Variants in PIGG observed in about 807,000 individuals in gnomAD.
The protein encoded by PIGG is GPI ethanolamine phosphate transferase 2, catalytic subunit.
In PIGG, 70 loss-of-function variants were observed where a neutral mutation model predicts 83.2. That is an observed-to-expected ratio of 0.84 (90% CI 0.69 to 1.03). PIGG has a LOEUF of 1.03. PIGG is among the 50% of genes least tolerant of loss of function. PIGG has a pLI of 0.00. For missense variants in PIGG, 1,257 were observed against 1,233.6 expected, an observed-to-expected ratio of 1.02 and a Z score of -0.28; for synonymous variants, 532 against 519.5, an observed-to-expected ratio of 1.02 and a Z score of -0.33.
At chr4:508,749 A>C in intron 4 of PIGG, 80 bp from the exon 5 acceptor site, 1 of 1,374,682 alleles carries the variant, frequency 7.3e-7, no homozygotes, top group Non-Finnish European at 1.0e-6. Context: ...AAGTAAAGCT[A>C]AAACCGAAAA....
chr4:504,569 C>G (rs534593945), intron 2 of PIGG, among the ~76,000 whole-genome samples: 31 of 152,196 alleles, frequency 2.0e-4, no homozygotes, highest in Non-Finnish European at 4.3e-4. Flanking sequence ...GAGATTTTGC[C>G]GAGCTCCTCC....
rs1352191995 is a variant in PIGG at position 521,702 on chromosome 4, A to G, written c.1375A>G (p.Arg459Gly). Residue 459 changes from arginine (R) to glycine (G), a missense_variant, in exon 8 of 13, where the codon AGA becomes GGA. Transcript: ENST00000453061. ...LLLSVPQALR[R>G]KAELEVPLSS... is the part of the protein sequence containing the mutation. ...GCTCAGCGTCCCACAGGCACTGCGCAGAAAGGCTGAGCTGGAAGTCCCACT... is the reference window on the plus strand; with the variant it reads ...GCTCAGCGTCCCACAGGCACTGCGCGGAAAGGCTGAGCTGGAAGTCCCACT... 9 of 1,614,206 alleles carry G rather than the reference A, an allele frequency of 5.6e-6. No homozygotes were observed. Among genetic ancestry groups the G allele is most frequent in the East Asian group, 2.2e-5 (1 of 44,882 alleles).
Position 499,285 on chromosome 4 carries a change from G to C in PIGG, c.-51G>C, listed in dbSNP as rs1716604306. ...TGGAGCCGGAAGCGCGGCTGCAGCAGGGCGAGGCTCCAGGTGGGGTCGGTT... is the reference window on the plus strand; with the variant it reads ...TGGAGCCGGAAGCGCGGCTGCAGCACGGCGAGGCTCCAGGTGGGGTCGGTT... On this transcript the variant is annotated 5_prime_UTR_variant, in exon 1 of 13. Transcript: ENST00000453061. 1.3e-6 allele frequency: 2 copies of C among 1,584,262 alleles called. No homozygotes were observed. The highest frequency in any genetic ancestry group is 8.5e-7 in the Non-Finnish European group (1 of 1,170,540).
In PIGG at chr4:507,462, A is replaced by G. The variant is rs185393063; in HGVS notation, c.628A>G (p.Ile210Val). 1.2e-6 allele frequency: 2 copies of G among 1,614,000 alleles called. No homozygotes were observed. The highest frequency in any genetic ancestry group is 1.3e-5 in the African/African-American group (1 of 75,060). Residue 210 changes from isoleucine (I) to valine (V), a missense_variant, in exon 4 of 13, where the codon ATA (isoleucine) becomes GTA (valine). Physicochemically the swap from Ile to Val is conservative, Grantham distance 29. Coordinates refer to ENST00000453061, the MANE Select transcript of PIGG (RefSeq NM_001127178.3). The part of the protein sequence containing the change: ...DKVLKRGDWD[I>V]LILHYLGLDH... ...AGTATTAAAAAGAGGAGATTGGGAC[A>G]TATTAATCCTCCACTACCTGGGGCT...
Position 507,577 on chromosome 4 carries a change from C to T in PIGG, c.743C>T (p.Thr248Ile). ...GACAGCGTGCTGATGAAGATCCACACCTCACTGCAGTCGAAGGTGAGGCTC... is the reference window on the plus strand; with the variant it reads ...GACAGCGTGCTGATGAAGATCCACATCTCACTGCAGTCGAAGGTGAGGCTC... ...EMDSVLMKIH[T>I]SLQSKERETP... The change falls in exon 4 of 13, where the codon ACC (threonine) becomes ATC (isoleucine). Residue 248 changes from threonine (T) to isoleucine (I), a missense_variant. Transcript: ENST00000453061. 2 of 1,612,764 alleles carry T rather than the reference C, an allele frequency of 1.2e-6. No homozygotes were observed. The highest frequency in any genetic ancestry group is 1.1e-5 in the South Asian group (1 of 90,938).
intron 2 of PIGG, 89 bp downstream of exon 2, chr4:500,690 A>AT (rs1717358015): frequency 1.2e-6 from 1 of 840,940 alleles, no homozygotes; most frequent in Non-Finnish European, 2.0e-6. Flanking sequence ...TGGAGTTGCA[A>AT]TTTTAAGAAA....
chr4:508,736 A>AT, intron 4 of PIGG, 93 bp from the exon 5 acceptor site: 1 of 1,137,556 alleles, frequency 8.8e-7, no homozygotes, highest in African/African-American at 1.6e-5. Flanking sequence ...CTACAACTCT[A>AT]TAAAGTAAAG....
Position 508,888 on chromosome 4 carries a change from A to G in PIGG, c.819A>G (p.Glu273=). 1.9e-6 allele frequency: 3 copies of G among 1,613,868 alleles called. No individual in the cohort carries two copies. Among genetic ancestry groups the G allele is most frequent in the Non-Finnish European group, 2.5e-6 (3 of 1,179,732 alleles). The stretch of plus-strand genomic sequence containing the variant: ...TTTGTGGTGACCATGGCATGTCTGA[A>G]ACAGGAAGTCACGGGGCCTCCTCCA... ...LVLCGDHGMS[E]TGSHGASSTE... is the part of the protein sequence containing the mutation. Residue 273 remains glutamate (E), a synonymous_variant, in exon 5 of 13, where the codon GAA becomes GAG. Transcript: ENST00000453061.
chr4:516,913 C>A (rs1428134368), intron 6 of PIGG, among the ~76,000 whole-genome samples: 2 of 137,602 alleles, frequency 1.5e-5, no homozygotes, highest in Non-Finnish European at 3.1e-5. Context: ...GGAAGTGAAG[C>A]GGGTGGGGGA....
chr4:507,882 TCTCTGTTCTGTGCCA>T (rs1272167116), intron 4 of PIGG, among the ~76,000 whole-genome samples: 3 of 152,342 alleles, frequency 2.0e-5, no homozygotes, highest in East Asian at 1.9e-4. Context: ...TGTATCACTC[TCTCTGTTCTGTGCCA>T]CTCTGTTCTG....
At chr4:529,383 C>T (rs1728483217) in intron 10 of PIGG, among the ~76,000 whole-genome samples, 1 of 152,210 alleles carries the variant, frequency 6.6e-6, no homozygotes, top group African/African-American at 2.4e-5. Context: ...ATGTGGGCCC[C>T]TCCTGGCAGC....
intron 4 of PIGG, among the ~76,000 whole-genome samples, chr4:508,057 C>T (rs1443319887): frequency 5.3e-5 from 8 of 152,212 alleles, no homozygotes; most frequent in Admixed American, 1.3e-4. Context: ...TTCTATGTCA[C>T]TTTTTGTCCA....
At chr4:527,431 C>T (rs758552045) in intron 10 of PIGG, 140 of 1,322,266 alleles carry the variant, frequency 1.1e-4, no homozygotes, top group Non-Finnish European at 1.3e-4. Context: ...CAACCAGCTG[C>T]GTTGTTAGCA....
At chr4:511,275 A>G (rs1281871156) in intron 5 of PIGG, among the ~76,000 whole-genome samples, 1 of 149,148 alleles carries the variant, frequency 6.7e-6, no homozygotes, top group Non-Finnish European at 1.5e-5. Context: ...CCTGGGCAAC[A>G]GGAGTGAAAC....
intron 1 of PIGG, chr4:499,885 G>T: frequency 3.5e-6 from 1 of 284,372 alleles, no homozygotes. Context: ...CTCGCGTTTT[G>T]GTCTCTTATA....
chr4:521,916 T>A lies in PIGG; in HGVS notation c.1589T>A (p.Leu530His). ...CVIVSVLTNV[L>H]VGGNTPRKNP... ...ATTGTGTCTGTTCTGACCAACGTGC[T>A]CGTGGGTGGAAACACCCCAAGGAAG... The change falls in exon 8 of 13, where the codon CTC becomes CAC. Residue 530 changes from leucine (L) to histidine (H), a missense_variant. Physicochemically the swap from Leu to His is moderately conservative, Grantham distance 99 (BLOSUM62 -3). Coordinates refer to ENST00000453061, the MANE Select transcript of PIGG (RefSeq NM_001127178.3). 1 of 1,614,182 alleles carries A rather than the reference T, an allele frequency of 6.2e-7. No individual in the cohort carries two copies. Among genetic ancestry groups the A allele is most frequent in the South Asian group, 1.1e-5 (1 of 91,086 alleles).
chr4:510,137 CAG>C (rs1392690506), intron 5 of PIGG, among the ~76,000 whole-genome samples: 1 of 152,180 alleles, frequency 6.6e-6, no homozygotes, highest in African/African-American at 2.4e-5. Flanking sequence ...AGTGGGAAAT[CAG>C]GGGTCTCACA....
Position 521,191 on chromosome 4 carries a change from A to G in PIGG, c.1250A>G (p.Lys417Arg), listed in dbSNP as rs149347679. 1.1e-5 allele frequency: 18 copies of G among 1,614,120 alleles called. No individual in the cohort carries two copies. Among genetic ancestry groups the G allele is most frequent in the Non-Finnish European group, 1.4e-5 (17 of 1,179,970 alleles). Reference protein sequence around the residue: ...KVLRQYLDALKTLSLSLSAQV... With the variant: ...KVLRQYLDALRTLSLSLSAQV... The stretch of plus-strand genomic sequence containing the variant: ...CTCAGGCAGTACCTGGATGCTCTGA[A>G]GACGCTGAGCTTGTCCCTGAGTGCA... Residue 417 changes from lysine to arginine, a missense_variant, in exon 7 of 13, where the codon AAG becomes AGG. Physicochemically the swap from Lys to Arg is conservative, Grantham distance 26. Transcript: ENST00000453061.
intron 8 of PIGG, 100 bp from the exon 9 acceptor site, chr4:523,359 G>C: frequency 1.2e-6 from 1 of 849,044 alleles, no homozygotes; most frequent in Non-Finnish European, 1.9e-6. Flanking sequence ...ACAATGGTGT[G>C]TGTCCAGGGC....
Sources: allele counts gnomAD v4.1 joint callset (sites outside exome capture counted in the v4.1 genomes callset), GRCh38; gene constraint gnomAD v4.1.1; transcripts MANE v1.5; gene names NCBI Gene and HGNC (gene_info 2026-07-23, HGNC 2026-07-21).